Variants in NUP160 observed in about 807,000 individuals in gnomAD.
The protein encoded by NUP160 is nucleoporin 160.
In NUP160, 94 loss-of-function variants were observed where a neutral mutation model predicts 196.9. The observed-to-expected ratio is 0.48, with a 90% confidence interval of 0.40 to 0.57. The LOEUF is 0.57. NUP160 is among the 20% of genes least tolerant of loss of function. The pLI is 0.00. For synonymous variants in NUP160, 605 were observed against 619.7 expected, an observed-to-expected ratio of 0.98 and a Z score of 0.35; for missense variants, 1,638 against 1,748.3, an observed-to-expected ratio of 0.94 and a Z score of 1.13.
At chr11:47,791,741 C>G (rs972534175) in intron 29 of NUP160, among the ~76,000 whole-genome samples, 189 bp downstream of exon 29, 1 of 152,110 alleles carries the variant, frequency 6.6e-6, no homozygotes, top group African/African-American at 2.4e-5. Flanking sequence ...TTATTGAAAA[C>G]AAAAATCTGT....
At chr11:47,792,033 T>A in intron 28 of NUP160, 43 bp from the exon 29 acceptor site, 3 of 1,297,084 alleles carry the variant, frequency 2.3e-6, no homozygotes, top group Non-Finnish European at 2.2e-6. Context: ...AAATCAGTAT[T>A]TTATTCTGAT....
At chr11:47,840,155 T>C (rs1017539210) in intron 3 of NUP160, 90 bp from the exon 4 acceptor site, 1 of 988,388 alleles carries the variant, frequency 1.0e-6, no homozygotes, top group Non-Finnish European at 1.5e-6. Context: ...GTTTTTAAAG[T>C]AAAAAACTGT....
chr11:47,789,017 C>G (rs954552006), intron 29 of NUP160, among the ~76,000 whole-genome samples: 3 of 152,062 alleles, frequency 2.0e-5, no homozygotes, highest in Non-Finnish European at 4.4e-5. Flanking sequence ...GCTGGGATTA[C>G]AGGCGTGCAC....
chr11:47,837,261 T>C (rs1181131969), intron 5 of NUP160, among the ~76,000 whole-genome samples: 1 of 152,152 alleles, frequency 6.6e-6, no homozygotes, highest in African/African-American at 2.4e-5. Flanking sequence ...ACTTTCTATT[T>C]CTAATAATTT....
At chr11:47,826,449 G>C (rs920393054) in intron 7 of NUP160, among the ~76,000 whole-genome samples, 2 of 152,042 alleles carry the variant, frequency 1.3e-5, no homozygotes, top group Non-Finnish European at 1.5e-5. Flanking sequence ...ACACACTCCT[G>C]AACTACTACA....
chr11:47,848,490 G>A (rs1437170625), upstream of NUP160: 2 of 1,256,910 alleles, frequency 1.6e-6, no homozygotes, highest in East Asian at 2.5e-5. Context: ...GGTGGGCAGC[G>A]AGGAATCCAG....
intron 2 of NUP160, among the ~76,000 whole-genome samples, chr11:47,846,446 G>A (rs1242421366): frequency 2.0e-5 from 3 of 151,916 alleles, no homozygotes; most frequent in Non-Finnish European, 4.4e-5. Flanking sequence ...TCCATCTTCC[G>A]GGTATCTCTG....
chr11:47,848,040 G>T, intron 1 of NUP160, 81 bp from the exon 2 acceptor site: 2 of 1,287,966 alleles, frequency 1.6e-6, no homozygotes, highest in Non-Finnish European at 2.3e-6. Context: ...AGCAGAGAGT[G>T]ACAGACTGAC....
exon 25 of NUP160, chr11:47,798,195 G>A: frequency 1.2e-6 from 2 of 1,612,082 alleles, no homozygotes; most frequent in Non-Finnish European, 1.7e-6. Context: ...TTGGGTTAAG[G>A]CTTCATATGC....
At chr11:47,788,379 A>C in intron 30 of NUP160, 74 bp from the exon 31 acceptor site, 2 of 1,591,830 alleles carry the variant, frequency 1.3e-6, no homozygotes. Flanking sequence ...TGTTTTGTTG[A>C]TGAGTATCTC....
Position 47,818,071 on chromosome 11 carries a change from T to TA in NUP160, c.1415dup (p.Leu472PhefsTer3). ...TTTTGCTGACCTGTAAAGCCTTACA[T>TA]AAAGCTTCATTTGTGAATTGTCCTG... is the stretch of plus-strand genomic sequence containing the variant. On this transcript the variant is annotated frameshift_variant, in exon 11 of 36. Transcript: ENST00000378460. LOFTEE classifies it high-confidence loss of function. The TA allele has an allele frequency of 6.2e-7, 1 of 1,610,662 alleles. No homozygotes were observed. The highest frequency in any genetic ancestry group is 8.5e-7 in the Non-Finnish European group (1 of 1,177,194).
chr11:47,821,668 T>A (rs1851860547), intron 9 of NUP160, 56 bp downstream of exon 9: 1 of 1,338,272 alleles, frequency 7.5e-7, no homozygotes, highest in African/African-American at 1.4e-5. Flanking sequence ...CCTCTCGTCT[T>A]CTTAGCATGA....
chr11:47,840,577 C>G (rs1468594116), exon 3 of NUP160: 1 of 1,597,456 alleles, frequency 6.3e-7, no homozygotes. Context: ...CAATGTATCT[C>G]CAGAGGTCTT....
rs199762443 is a variant in NUP160, at chr11:47,783,161, T to G, written c.4028A>C (p.Asn1343Thr). The G allele has an allele frequency of 2.5e-5, 41 of 1,613,748 alleles. No individual in the cohort carries two copies. Among genetic ancestry groups the G allele is most frequent in the Non-Finnish European group, 1.6e-5 (19 of 1,179,914 alleles). ...CACAGCTTCTTCTAAAAGGTCATAG[T>G]TTAAGTATAAACGAAGCAATTCAGC... Residue 1343 changes from asparagine (N) to threonine (T), a missense_variant, in exon 34 of 36, where the codon AAC becomes ACC. By Grantham distance (65) the Asn-to-Thr change is moderately conservative (BLOSUM62 0). Around this residue, in one of 3 missense-constraint regions of NUP160, gnomAD observed 1,345 missense variants for 1,470.2 expected, o/e 0.91. Coordinates refer to ENST00000378460, the Ensembl canonical transcript of NUP160.
At chr11:47,786,517 C>T in exon 32 of NUP160, 1 of 1,613,954 alleles carries the variant, frequency 6.2e-7, no homozygotes. Flanking sequence ...CAGGCTTCTG[C>T]TTGTGCTGCC....
intron 7 of NUP160, among the ~76,000 whole-genome samples, chr11:47,835,355 A>G (rs1331695538): frequency 6.6e-6 from 1 of 152,192 alleles, no homozygotes; most frequent in African/African-American, 2.4e-5. Context: ...TTAACACCAC[A>G]TAACACCTAC....
Position 47,824,018 on chromosome 11 carries a change from T to C in NUP160, c.1102-1854A>G, listed in dbSNP as rs541925443. Among the ~76,000 whole-genome samples the C allele has an allele frequency of 4.6e-3, 270 of 59,200 alleles. 5 individuals carry two copies. Among genetic ancestry groups the C allele is most frequent in the Non-Finnish European group, 6.7e-3 (154 of 22,910 alleles). The allele number at this position is 59,200 out of a possible 152,430, so 38.8% of individuals were successfully genotyped here. On this transcript the variant is annotated intron_variant, in intron 7 of 35. Transcript: ENST00000378460. ...CTTTCAATTCTTTTGCATATATATA[T>C]ATATATATATATATATATATATATA...
In NUP160 at chr11:47,818,100, TAA is replaced by T. The variant is rs752569384; in HGVS notation, c.1385_1386del (p.Phe462TyrfsTer8). 6.2e-7 allele frequency: 1 copy of T among 1,611,684 alleles called. No homozygotes were observed. Reference sequence around the variant, plus strand: ...GCTTCATTTGTGAATTGTCCTGGTGTAAAAAGACTTTGCAGATACATCTCCTA... The same window carrying T: ...GCTTCATTTGTGAATTGTCCTGGTGTAAAGACTTTGCAGATACATCTCCTA... On this transcript the variant is annotated frameshift_variant, in exon 11 of 36. Coordinates refer to ENST00000378460, the Ensembl canonical transcript of NUP160. LOFTEE classifies it high-confidence loss of function.
At chr11:47,847,777 T>C in intron 2 of NUP160, 71 bp downstream of exon 2, 1 of 966,782 alleles carries the variant, frequency 1.0e-6, no homozygotes, top group Admixed American at 1.7e-5. Flanking sequence ...AATAGCACTT[T>C]GGGTACAGCG....
Sources: gnomAD v4.1 joint callset for allele counts (sites outside exome capture counted in the v4.1 genomes callset) on GRCh38, gnomAD v4.1.1 for gene constraint, gnomAD v4.1.1 regional missense constraint, MANE v1.5 for transcripts, NCBI Gene and HGNC (gene_info 2026-07-23, HGNC 2026-07-21) for gene names.